The following TARBP1 variants were observed in gnomAD, a reference collection of about 807,000 sequenced individuals.
TARBP1 encodes tRNA guanosine 2 -O-methyltransferase TARBP1.
In TARBP1, 144 loss-of-function variants were observed where a neutral mutation model predicts 178.6. The ratio of observed to expected loss-of-function variants is 0.81; its 90% CI spans 0.70 to 0.93. The LOEUF (loss-of-function observed/expected upper bound fraction) is 0.93. TARBP1 is among the 40% of genes least tolerant of loss of function. TARBP1 has a pLI of 0.00. For missense variants in TARBP1, 2,067 were observed against 2,011.7 expected (o/e 1.03, Z -0.53); for synonymous variants, 787 against 781.0 (o/e 1.01, Z -0.13).
intron 23 of TARBP1, 108 bp from the exon 24 acceptor site, chr1:234,406,207 C>G: frequency 2.0e-6 from 2 of 992,092 alleles, no homozygotes; most frequent in Non-Finnish European, 1.5e-6. Flanking sequence ...CCTAGTAAAA[C>G]TTCTTCCACT....
At position 234,418,117 on chromosome 1, in the gene TARBP1, T is replaced by C. The variant is rs1572258485; in HGVS notation, c.3672A>G (p.Gln1224=). The part of the protein sequence containing the change: ...IIILILHKFP[Q]FLPKFWDCFS... ...AACAATCCCAGAACTTTGGAAGAAA[T>C]TGAGGGAATTTATGAAGAATCAATA... Residue 1224 remains glutamine (Q), a synonymous_variant, in exon 22 of 30, where the codon CAA becomes CAG. Transcript: ENST00000040877. The C allele has an allele frequency of 6.9e-7, 1 of 1,452,090 alleles. No homozygotes were observed. Among genetic ancestry groups the C allele is most frequent in the Non-Finnish European group, 9.2e-7 (1 of 1,089,088 alleles). The allele number at this position is 1,452,090 out of a possible 1,614,324, so 90.0% of individuals were successfully genotyped here.
At chr1:234,433,841 A>G (rs1463855332) in intron 13 of TARBP1, among the ~76,000 whole-genome samples, 1 of 152,238 alleles carries the variant, frequency 6.6e-6, no homozygotes, top group African/African-American at 2.4e-5. Flanking sequence ...GGGAGACCTT[A>G]GATGGCAGAA....
intron 20 of TARBP1, among the ~76,000 whole-genome samples, chr1:234,423,428 G>T (rs183195777): frequency 6.6e-6 from 1 of 151,786 alleles, no homozygotes; most frequent in African/African-American, 2.4e-5. Context: ...TCCCCTCCAG[G>T]AACGACCCCT....
chr1:234,444,664 T>C (rs1665965548), intron 12 of TARBP1, among the ~76,000 whole-genome samples: 1 of 150,760 alleles, frequency 6.6e-6, no homozygotes, highest in Admixed American at 6.6e-5. Context: ...AACACTTCCA[T>C]CCCCACCCTC....
intron 21 of TARBP1, among the ~76,000 whole-genome samples, chr1:234,419,470 C>T (rs896953181): frequency 2.6e-5 from 4 of 152,102 alleles, no homozygotes; most frequent in Non-Finnish European, 4.4e-5. Flanking sequence ...TATGTATGGC[C>T]TACCTTGGAA....
chr1:234,419,059 C>G (rs2103090605), intron 21 of TARBP1, among the ~76,000 whole-genome samples: 2 of 152,116 alleles, frequency 1.3e-5, no homozygotes, highest in South Asian at 4.2e-4. Context: ...GTAGTCCCAG[C>G]TACGCGGGAG....
intron 3 of TARBP1, among the ~76,000 whole-genome samples, 181 bp from the exon 4 acceptor site, chr1:234,467,831 G>A (rs1460183751): frequency 6.6e-6 from 1 of 152,090 alleles, no homozygotes; most frequent in Non-Finnish European, 1.5e-5. Flanking sequence ...CAGTGCAATT[G>A]CAAAATTCTA....
chr1:234,467,298 C>T (rs12139913), intron 4 of TARBP1, among the ~76,000 whole-genome samples: 3,081 of 152,274 alleles, frequency 0.02, 52 homozygotes, highest in Non-Finnish European at 0.03. Flanking sequence ...TACTTTTTCA[C>T]AATGGTAATA....
At chr1:234,415,135 T>C (rs1010958578) in intron 22 of TARBP1, among the ~76,000 whole-genome samples, 16 of 151,704 alleles carry the variant, frequency 1.1e-4, no homozygotes, top group Non-Finnish European at 1.9e-4. Context: ...CCACAGAAAA[T>C]GGATGCAACT....
intron 1 of TARBP1, among the ~76,000 whole-genome samples, chr1:234,476,016 T>C (rs1488650984): frequency 1.3e-5 from 2 of 151,202 alleles, no homozygotes; most frequent in East Asian, 3.9e-4. Flanking sequence ...ACTGTTATTA[T>C]AGTAAGACAT....
At chr1:234,458,308 C>T (rs1249583072) in intron 8 of TARBP1, among the ~76,000 whole-genome samples, 1 of 152,002 alleles carries the variant, frequency 6.6e-6, no homozygotes, top group Non-Finnish European at 1.5e-5. Context: ...CGTGCCATTG[C>T]ACTCTAGTCT....
At chr1:234,396,267 T>C (rs2103031402) in intron 26 of TARBP1, among the ~76,000 whole-genome samples, 1 of 152,290 alleles carries the variant, frequency 6.6e-6, no homozygotes, top group African/African-American at 2.4e-5. Flanking sequence ...CCATCTCTCT[T>C]CCCTCTCCTC....
Position 234,427,593 on chromosome 1 carries a change from C to CA in TARBP1, c.3233dup (p.Phe1079ValfsTer2), listed in dbSNP as rs764123989. The CA allele has an allele frequency of 6.2e-7, 1 of 1,601,398 alleles. No individual in the cohort carries two copies. ...TCTTTTACCTTTGATCACGCCTAAA[C>CA]ACAGTTCCAAATATACAAGCCTCAA... is the stretch of plus-strand genomic sequence containing the variant. On this transcript the variant is annotated frameshift_variant, in exon 18 of 30. Transcript: ENST00000040877. LOFTEE classifies it high-confidence loss of function.
At chr1:234,439,720 G>A (rs1665400692) in intron 12 of TARBP1, among the ~76,000 whole-genome samples, 1 of 152,134 alleles carries the variant, frequency 6.6e-6, no homozygotes, top group Non-Finnish European at 1.5e-5. Flanking sequence ...CAGCTACTCG[G>A]TAAACTGAGG....
chr1:234,415,429 T>C (rs1234786689), intron 22 of TARBP1, among the ~76,000 whole-genome samples: 2 of 152,170 alleles, frequency 1.3e-5, no homozygotes, highest in African/African-American at 4.8e-5. Context: ...TTAAGGTAAT[T>C]TGCTTTGAAT....
chr1:234,437,339 A>G lies in TARBP1; in HGVS notation c.2168T>C (p.Met723Thr). The G allele has an allele frequency of 6.3e-7, 1 of 1,595,788 alleles. No individual in the cohort carries two copies. Among genetic ancestry groups the G allele is most frequent in the Non-Finnish European group, 8.5e-7 (1 of 1,171,140 alleles). Residue 723 changes from methionine to threonine, a missense_variant, in exon 13 of 30, where the codon ATG becomes ACG. Physicochemically the swap from Met to Thr is moderately conservative, Grantham distance 81 (BLOSUM62 -1). Transcript: ENST00000040877. ...TTCAGAAATGCTCTCTGTAGTAGAC[A>G]TGAAAAAGTTCTGAAGAACAGTAGA... ...EVSTVLQNFF[M>T]STTESISEFI...
At chr1:234,478,056 CA>C in intron 1 of TARBP1, 116 bp downstream of exon 1, 1 of 1,051,164 alleles carries the variant, frequency 9.5e-7, no homozygotes, top group Non-Finnish European at 1.4e-6. Flanking sequence ...GCGGAATAAC[CA>C]AATTCTGCAT....
intron 22 of TARBP1, among the ~76,000 whole-genome samples, chr1:234,411,986 A>C (rs1048688156): frequency 6.6e-6 from 1 of 152,222 alleles, no homozygotes; most frequent in African/African-American, 2.4e-5. Flanking sequence ...TACTATAGAA[A>C]CAAGTTCCTG....
intron 5 of TARBP1, among the ~76,000 whole-genome samples, chr1:234,464,661 T>A (rs1668244667): frequency 6.6e-6 from 1 of 152,224 alleles, no homozygotes; most frequent in Non-Finnish European, 1.5e-5. Context: ...TAAACAGGAC[T>A]AAATATTAAT....
Sources: allele counts gnomAD v4.1 joint callset (sites outside exome capture counted in the v4.1 genomes callset), GRCh38; gene constraint gnomAD v4.1.1; transcripts MANE v1.5; gene names NCBI Gene and HGNC (gene_info 2026-07-23, HGNC 2026-07-21).